B4GALNT1: variants seen among roughly 807,000 people sequenced by gnomAD.
The protein encoded by B4GALNT1 is beta-1,4 N-acetylgalactosaminyltransferase 1.
In B4GALNT1, 43 loss-of-function variants were observed where a neutral mutation model predicts 55.2. The observed-to-expected ratio is 0.78, with a 90% confidence interval of 0.61 to 1.00. The LOEUF (loss-of-function observed/expected upper bound fraction) is 1.00, where lower values mean the gene tolerates loss of function less well. Ranked by LOEUF, B4GALNT1 falls within the 50% of genes least tolerant of loss-of-function variation. The pLI is 0.00. For synonymous variants in B4GALNT1, 305 were observed against 311.6 expected (o/e 0.98, Z 0.22); for missense variants, 664 against 729.7 (o/e 0.91, Z 1.04).
intron 9 of B4GALNT1, 107 bp downstream of exon 9, chr12:57,628,015 T>A: frequency 6.6e-7 from 1 of 1,516,500 alleles, no homozygotes. Context: ...ACTTCGTGGT[T>A]CTCTCTTTGT....
Position 57,624,177 on chromosome 12 carries a change from T to C in B4GALNT1, c.*2567A>G, listed in dbSNP as rs781203734. 23 of 1,405,038 alleles carry C rather than the reference T, an allele frequency of 1.6e-5. No individual in the cohort carries two copies. Among genetic ancestry groups the C allele is most frequent in the Admixed American group, 1.5e-4 (8 of 52,518 alleles). 87.0% of individuals were successfully genotyped at this position (1,405,038 alleles called of 1,614,324 possible). The stretch of plus-strand genomic sequence containing the variant: ...AGCCTCTGCCCTGAACCAAACCTAA[T>C]TGTCCTGGTCTTAAGTTCTGCAACC... On this transcript the variant is annotated 3_prime_UTR_variant, in exon 11 of 11. Coordinates refer to ENST00000341156, the MANE Select transcript of B4GALNT1 (RefSeq NM_001478.5).
At position 57,623,957 on chromosome 12, in the gene B4GALNT1, G is replaced by A. The variant is rs768739554; in HGVS notation, c.*2787C>T. On this transcript the variant is annotated 3_prime_UTR_variant, in exon 11 of 11. Transcript: ENST00000341156. Reference sequence around the variant, plus strand: ...ATGAGCATGGCTGGGAGGGGTAGCTGTATTCCAGGACATCGAGGTAGTCAG... The same window carrying A: ...ATGAGCATGGCTGGGAGGGGTAGCTATATTCCAGGACATCGAGGTAGTCAG... 6 of 1,613,176 alleles carry A rather than the reference G, an allele frequency of 3.7e-6. No homozygotes were observed. The highest frequency in any genetic ancestry group is 5.1e-6 in the Non-Finnish European group (6 of 1,179,466).
At chr12:57,632,374 TCACA>T (rs1379544549) in intron 1 of B4GALNT1, 1 of 666,900 alleles carries the variant, frequency 1.5e-6, no homozygotes, top group East Asian at 2.8e-5. Context: ...CTCGGTTTCC[TCACA>T]CACCCGAGGC....
At chr12:57,630,362 G>A in intron 5 of B4GALNT1, 30 bp from the exon 6 acceptor site, 1 of 1,606,484 alleles carries the variant, frequency 6.2e-7, no homozygotes, top group Non-Finnish European at 8.5e-7. Flanking sequence ...TGCAGGGTTA[G>A]GCCCCAGACC....
Position 57,624,192 on chromosome 12 carries a change from G to A in B4GALNT1, c.*2552C>T, listed in dbSNP as rs769635151. ...CCAAACCTAATTGTCCTGGTCTTAA[G>A]TTCTGCAACCCACCCACTCCCCCAG... is the stretch of plus-strand genomic sequence containing the variant. On this transcript the variant is annotated 3_prime_UTR_variant, in exon 11 of 11. Transcript: ENST00000341156. The A allele has an allele frequency of 6.6e-6, 8 of 1,218,194 alleles. No homozygotes were observed. The South Asian group carries it at 9.7e-5, about 15-fold the overall frequency. The allele number at this position is 1,218,194 out of a possible 1,614,324, so 75.5% of individuals were successfully genotyped here.
Position 57,624,881 on chromosome 12 carries a change from G to C in B4GALNT1, c.*1863C>G. On this transcript the variant is annotated 3_prime_UTR_variant, in exon 11 of 11. Transcript: ENST00000341156. ...GACCTCTTAGCTCCTCCAGGTCCCGGGGCTCTGCATCCTGAGCTATCCAAC... is the reference window on the plus strand; with the variant it reads ...GACCTCTTAGCTCCTCCAGGTCCCGCGGCTCTGCATCCTGAGCTATCCAAC... 1 of 1,614,136 alleles carries C rather than the reference G, an allele frequency of 6.2e-7. No individual in the cohort carries two copies. The highest frequency in any genetic ancestry group is 1.3e-5 in the African/African-American group (1 of 75,016).
Position 57,626,892 on chromosome 12 carries a change from G to A in B4GALNT1, c.1454C>T (p.Ser485Phe). The part of the protein sequence containing the change: ...SCSDVVVDHA[S>F]KLKLPWTSRD... Reference sequence around the variant, plus strand: ...TGATGTCCAAGGCAGCTTCAGTTTGGATGCATGATCCACCACGACGTCGGA... The same window carrying A: ...TGATGTCCAAGGCAGCTTCAGTTTGAATGCATGATCCACCACGACGTCGGA... The change falls in exon 11 of 11, where the codon TCC becomes TTC. Residue 485 changes from serine to phenylalanine, a missense_variant. Transcript: ENST00000341156. 1 of 1,614,192 alleles carries A rather than the reference G, an allele frequency of 6.2e-7. No individual in the cohort carries two copies. Among genetic ancestry groups the A allele is most frequent in the African/African-American group, 1.3e-5 (1 of 75,040 alleles).
rs1565734611 is a variant in B4GALNT1 at position 57,625,002 on chromosome 12, GA to G, written c.*1741del. 2 of 1,614,000 alleles carry G rather than the reference GA, an allele frequency of 1.2e-6. No homozygotes were observed. Among genetic ancestry groups the G allele is most frequent in the Non-Finnish European group, 1.7e-6 (2 of 1,179,870 alleles). On this transcript the variant is annotated 3_prime_UTR_variant, in exon 11 of 11. Transcript: ENST00000341156. Reference sequence around the variant, plus strand: ...GAAAAGGTGAAGGAGCTTGGTTTAGGAGGGATGTGGATCCTCAGGGAGTGGG... The same window carrying G: ...GAAAAGGTGAAGGAGCTTGGTTTAGGGGGATGTGGATCCTCAGGGAGTGGG...
intron 9 of B4GALNT1, 46 bp from the exon 10 acceptor site, chr12:57,627,904 A>G (rs1280060277): frequency 1.3e-6 from 2 of 1,519,536 alleles, no homozygotes; most frequent in Admixed American, 2.0e-5. Context: ...GGGATAGGGG[A>G]CCCGAAGGGG....
At position 57,628,832 on chromosome 12, in the gene B4GALNT1, G is replaced by C. The variant is rs1885015282; in HGVS notation, c.883C>G (p.Leu295Val). ...TFLRYDRLRA[L>V]ITSIRRFYPT... is the part of the protein sequence containing the mutation. Reference sequence around the variant, plus strand: ...TAGAAGCGGCGGATACTGGTGATGAGAGCCCGTAGCCGATCATAACGGAGG... The same window carrying C: ...TAGAAGCGGCGGATACTGGTGATGACAGCCCGTAGCCGATCATAACGGAGG... Residue 295 changes from leucine (L) to valine (V), a missense_variant, in exon 8 of 11, where the codon CTC becomes GTC. Physicochemically the swap from Leu to Val is conservative, Grantham distance 32. Transcript: ENST00000341156. The C allele has an allele frequency of 6.2e-7, 1 of 1,614,142 alleles. No homozygotes were observed. Among genetic ancestry groups the C allele is most frequent in the African/African-American group, 1.3e-5 (1 of 74,952 alleles).
chr12:57,632,070 C>G lies in B4GALNT1; in HGVS notation c.63G>C (p.Gly21=). The stretch of plus-strand genomic sequence containing the variant: ...CGTCCCGGGTGCTCGCGTACAGGAG[C>G]CCCAGCGAGGCGCAGGCGAGCAGAA... ...LVLLLACASL[G]LLYASTRDAP... The change falls in exon 2 of 11, where the codon GGG becomes GGC. Residue 21 remains glycine, a synonymous_variant. Transcript: ENST00000341156. The G allele has an allele frequency of 6.9e-7, 1 of 1,443,016 alleles. No individual in the cohort carries two copies. Among genetic ancestry groups the G allele is most frequent in the Non-Finnish European group, 9.1e-7 (1 of 1,095,968 alleles). 89.4% of individuals were successfully genotyped at this position (1,443,016 alleles called of 1,614,324 possible). A position where few individuals can be genotyped will look rare whatever the true frequency, so the allele number is the denominator to read the frequency against.
chr12:57,624,106 A>G lies in B4GALNT1; in HGVS notation c.*2638T>C. 6.2e-7 allele frequency: 1 copy of G among 1,613,770 alleles called. No individual in the cohort carries two copies. The highest frequency in any genetic ancestry group is 2.2e-5 in the East Asian group (1 of 44,876). On this transcript the variant is annotated 3_prime_UTR_variant, in exon 11 of 11. Coordinates refer to ENST00000341156, the MANE Select transcript of B4GALNT1 (RefSeq NM_001478.5). ...ATCAGCCGAGTGGACTTTGTGAGAAATGCCATTACCCCCAGATTGCCCCCT... is the reference window on the plus strand; with the variant it reads ...ATCAGCCGAGTGGACTTTGTGAGAAGTGCCATTACCCCCAGATTGCCCCCT...
Position 57,625,282 on chromosome 12 carries a change from CT to C in B4GALNT1, c.*1461del. ...TGGTCCTAGACTTCAGTGGTGTCACCTTTGCAGATGCTGCTGGGGCCAGAGA... is the reference window on the plus strand; with the variant it reads ...TGGTCCTAGACTTCAGTGGTGTCACCTTGCAGATGCTGCTGGGGCCAGAGA... On this transcript the variant is annotated 3_prime_UTR_variant, in exon 11 of 11. Coordinates refer to ENST00000341156, the MANE Select transcript of B4GALNT1 (RefSeq NM_001478.5). 2 of 1,614,098 alleles carry C rather than the reference CT, an allele frequency of 1.2e-6. No homozygotes were observed. The highest frequency in any genetic ancestry group is 1.7e-6 in the Non-Finnish European group (2 of 1,180,002).
intron 8 of B4GALNT1, 98 bp from the exon 9 acceptor site, chr12:57,628,360 C>G: frequency 6.5e-7 from 1 of 1,542,272 alleles, no homozygotes; most frequent in Non-Finnish European, 8.8e-7. Flanking sequence ...AGCTTGTATT[C>G]TTCTCCAGAC....
In B4GALNT1 at chr12:57,625,409, GCTGGCCAGC is replaced by G; in HGVS notation, c.*1326_*1334del. The G allele has an allele frequency of 6.2e-7, 1 of 1,614,204 alleles. No individual in the cohort carries two copies. The highest frequency in any genetic ancestry group is 8.5e-7 in the Non-Finnish European group (1 of 1,180,032). ...TTAACCCCTTTGCCCCATCCCTGCAGCTGGCCAGCCGATGTCGAGATGCTAGGATCCGCC... is the reference window on the plus strand; with the variant it reads ...TTAACCCCTTTGCCCCATCCCTGCAGCGATGTCGAGATGCTAGGATCCGCC... On this transcript the variant is annotated 3_prime_UTR_variant, in exon 11 of 11. Transcript: ENST00000341156.
intron 4 of B4GALNT1, 37 bp from the exon 5 acceptor site, chr12:57,630,555 G>C: frequency 1.3e-6 from 2 of 1,570,974 alleles, no homozygotes; most frequent in Non-Finnish European, 1.7e-6. Context: ...AATCACATAG[G>C]CAGCCCTGAA....
chr12:57,630,597 A>G, intron 4 of B4GALNT1, 79 bp from the exon 5 acceptor site: 14 of 1,469,748 alleles, frequency 9.5e-6, no homozygotes, highest in Non-Finnish European at 1.3e-5. Flanking sequence ...TGCTGTCACC[A>G]CACACAATAG....
At chr12:57,627,083 C>T (rs1335802191) in intron 10 of B4GALNT1, 122 bp from the exon 11 acceptor site, 15 of 786,278 alleles carry the variant, frequency 1.9e-5, no homozygotes, top group Non-Finnish European at 2.7e-5. Context: ...TCTAAGGACC[C>T]TGAGCATGTA....
chr12:57,624,176 A>C lies in B4GALNT1; in HGVS notation c.*2568T>G. 1.4e-6 allele frequency: 2 copies of C among 1,397,678 alleles called. No individual in the cohort carries two copies. Among genetic ancestry groups the C allele is most frequent in the Non-Finnish European group, 2.0e-6 (2 of 1,006,050 alleles). 86.6% of individuals were successfully genotyped at this position (1,397,678 alleles called of 1,614,324 possible). ...CAGCCTCTGCCCTGAACCAAACCTA[A>C]TTGTCCTGGTCTTAAGTTCTGCAAC... On this transcript the variant is annotated 3_prime_UTR_variant, in exon 11 of 11. Coordinates refer to ENST00000341156, the MANE Select transcript of B4GALNT1 (RefSeq NM_001478.5).
Sources: allele counts gnomAD v4.1 joint callset, GRCh38; gene constraint gnomAD v4.1.1; transcripts MANE v1.5; gene names NCBI Gene and HGNC (gene_info 2026-07-23, HGNC 2026-07-21).